IL4R: variants seen among roughly 807,000 people sequenced by gnomAD.
IL4R encodes interleukin-4 receptor subunit alpha.
A neutral mutation model predicts 41.5 loss-of-function variants in IL4R; 17 were observed. That is an observed-to-expected ratio of 0.41 (90% CI 0.28 to 0.61). IL4R has a LOEUF of 0.61. Ranked by LOEUF, IL4R falls within the 20% of genes least tolerant of loss-of-function variation. The pLI is 0.31. For synonymous variants in IL4R, 402 were observed against 422.9 expected (o/e 0.95, Z 0.61); for missense variants, 974 against 1,043.1 (o/e 0.93, Z 0.91).
At chr16:27,341,165 C>G in intron 3 of IL4R, 1 of 694,794 alleles carries the variant, frequency 1.4e-6, no homozygotes. Context: ...CTCCGGATCC[C>G]TCTGGGAGGT....
In IL4R at chr16:27,363,369, A is replaced by T. The variant is rs1258424409; in HGVS notation, c.2017A>T (p.Ser673Cys). 8 of 1,613,994 alleles carry T rather than the reference A, an allele frequency of 5.0e-6. No individual in the cohort carries two copies. Among genetic ancestry groups the T allele is most frequent in the Non-Finnish European group, 5.9e-6 (7 of 1,180,002 alleles). Residue 673 changes from serine to cysteine, a missense_variant, in exon 11 of 11, where the codon AGC (serine) becomes TGC (cysteine). By Grantham distance (112) the Ser-to-Cys change is moderately radical. Around this residue, in one of 3 missense-constraint regions of IL4R, gnomAD observed 682 missense variants for 704.3 expected, o/e 0.97. Coordinates refer to ENST00000395762, the MANE Select transcript of IL4R (RefSeq NM_000418.4). ...RSPQSSHLPSSSPEHLGLEPG... is the reference protein window; with the variant it reads ...RSPQSSHLPSCSPEHLGLEPG... ...TCCGCAGAGCTCACATCTCCCAAGC[A>T]GCTCCCCAGAGCACCTGGGTCTGGA...
chr16:27,358,563 T>C (rs946801626), intron 8 of IL4R, among the ~76,000 whole-genome samples: 4 of 152,208 alleles, frequency 2.6e-5, no homozygotes, highest in African/African-American at 9.6e-5. Flanking sequence ...GAATCCTCTC[T>C]CTGCAGTTTG....
chr16:27,352,295 C>A (rs2085904761), intron 6 of IL4R, among the ~76,000 whole-genome samples: 1 of 152,166 alleles, frequency 6.6e-6, no homozygotes, highest in Non-Finnish European at 1.5e-5. Context: ...CTCACGAAAA[C>A]TCAGAAAGGT....
intron 6 of IL4R, among the ~76,000 whole-genome samples, chr16:27,350,821 C>G (rs1418975318): frequency 6.6e-6 from 1 of 152,172 alleles, no homozygotes; most frequent in African/African-American, 2.4e-5. Flanking sequence ...AGACTGACCA[C>G]TGCTGTCTGT....
chr16:27,355,289 G>A, intron 7 of IL4R: 1 of 292,196 alleles, frequency 3.4e-6, no homozygotes, highest in Admixed American at 4.3e-5. Context: ...TGGAGAATGT[G>A]ACGATGAAAG....
At chr16:27,326,076 C>T (rs1470567769) in intron 1 of IL4R, among the ~76,000 whole-genome samples, 1 of 152,210 alleles carries the variant, frequency 6.6e-6, no homozygotes, top group Admixed American at 6.6e-5. Context: ...TCCCCATCTC[C>T]GCAGCCTGGT....
chr16:27,335,457 T>C (rs955379026), intron 2 of IL4R, among the ~76,000 whole-genome samples: 1 of 152,064 alleles, frequency 6.6e-6, no homozygotes, highest in African/African-American at 2.4e-5. Context: ...AGCCTCCAAC[T>C]CCCAGGCTCA....
rs977052760 is a variant in IL4R, at chr16:27,356,028, T to TACTAC, written c.770+124_770+128dup. The stretch of plus-strand genomic sequence containing the variant: ...CAATAATACGCATTTACTGAGCAGC[T>TACTAC]ACTACACACCTTGAGAGTAGAGCTG... On this transcript the variant is annotated intron_variant, in intron 8 of 10. Coordinates refer to ENST00000395762, the MANE Select transcript of IL4R (RefSeq NM_000418.4). 18 of 645,338 alleles carry TACTAC rather than the reference T, an allele frequency of 2.8e-5. No individual in the cohort carries two copies. In the African/African-American group the frequency reaches 3.3e-4, roughly 12 times the overall value. 40.0% of individuals were successfully genotyped at this position (645,338 alleles called of 1,614,324 possible). A position where few individuals can be genotyped will look rare whatever the true frequency, so the allele number is the denominator to read the frequency against.
chr16:27,313,893 G>A (rs2084541937), upstream of IL4R: 1 of 984,680 alleles, frequency 1.0e-6, no homozygotes. Context: ...CGGGGAGCAG[G>A]AAGCCGGGGC....
chr16:27,323,803 G>A (rs1436254792), intron 1 of IL4R, among the ~76,000 whole-genome samples: 1 of 152,082 alleles, frequency 6.6e-6, no homozygotes, highest in Admixed American at 6.5e-5. Context: ...CTACAGGCAT[G>A]TGCCACCATG....
intron 6 of IL4R, among the ~76,000 whole-genome samples, chr16:27,352,234 G>A (rs1482183241): frequency 6.6e-6 from 1 of 152,172 alleles, no homozygotes; most frequent in East Asian, 1.9e-4. Flanking sequence ...ACACAGCCAG[G>A]AAGTGGTAGT....
At chr16:27,315,612 G>A (rs549173533) in intron 1 of IL4R, 1 of 153,098 alleles carries the variant, frequency 6.5e-6, no homozygotes, top group African/African-American at 2.4e-5. Flanking sequence ...GGGAGGTAAA[G>A]GGAGGCACAG....
intron 4 of IL4R, among the ~76,000 whole-genome samples, chr16:27,344,012 A>G (rs2085530306): frequency 6.6e-6 from 1 of 152,018 alleles, no homozygotes; most frequent in East Asian, 1.9e-4. Context: ...TCAAAATTGC[A>G]CTTGTAAGGC....
intron 1 of IL4R, among the ~76,000 whole-genome samples, chr16:27,325,831 G>A (rs973101156): frequency 5.9e-5 from 9 of 152,108 alleles, no homozygotes; most frequent in African/African-American, 1.4e-4. Context: ...TTCCCTGAGC[G>A]CCTGCTAACA....
At position 27,342,202 on chromosome 16, in the gene IL4R, C is replaced by T; in HGVS notation, c.152C>T (p.Pro51Leu). The T allele has an allele frequency of 6.2e-7, 1 of 1,614,168 alleles. No individual in the cohort carries two copies. The highest frequency in any genetic ancestry group is 8.5e-7 in the Non-Finnish European group (1 of 1,180,026). ...ISTCEWKMNG[P>L]TNCSTELRLL... ...ACTTGCGAGTGGAAGATGAATGGTC[C>T]CACCAATTGCAGCACCGAGCTCCGC... Residue 51 changes from proline (P) to leucine (L), a missense_variant, in exon 4 of 11, where the codon CCC becomes CTC. By Grantham distance (98) the Pro-to-Leu change is moderately conservative (BLOSUM62 -3). Around this residue, in one of 3 missense-constraint regions of IL4R, gnomAD observed 284 missense variants for 313.4 expected, o/e 0.91. Coordinates refer to ENST00000395762, the MANE Select transcript of IL4R (RefSeq NM_000418.4).
At chr16:27,316,403 A>G (rs2084652312) in intron 1 of IL4R, among the ~76,000 whole-genome samples, 1 of 152,020 alleles carries the variant, frequency 6.6e-6, no homozygotes, top group South Asian at 2.1e-4. Context: ...ATGAGAAGAG[A>G]GAACCTTTTC....
At chr16:27,346,128 G>A (rs1031952875) in intron 5 of IL4R, among the ~76,000 whole-genome samples, 1 of 152,144 alleles carries the variant, frequency 6.6e-6, no homozygotes, top group African/African-American at 2.4e-5. Flanking sequence ...GGAGCCCAGC[G>A]CAGGCAGATC....
At chr16:27,333,253 T>A (rs1217849630) in intron 2 of IL4R, among the ~76,000 whole-genome samples, 1 of 151,924 alleles carries the variant, frequency 6.6e-6, no homozygotes. Context: ...ATTTTGCAGA[T>A]GATAAAATCC....
At chr16:27,330,740 A>T (rs1459605795) in intron 2 of IL4R, among the ~76,000 whole-genome samples, 1 of 151,958 alleles carries the variant, frequency 6.6e-6, no homozygotes, top group East Asian at 1.9e-4. Flanking sequence ...GCACCCACTG[A>T]TGTGTTTTCC....
Sources: gnomAD v4.1 joint callset for allele counts (sites outside exome capture counted in the v4.1 genomes callset) on GRCh38, gnomAD v4.1.1 for gene constraint, gnomAD v4.1.1 regional missense constraint, MANE v1.5 for transcripts, NCBI Gene and HGNC (gene_info 2026-07-23, HGNC 2026-07-21) for gene names.